Variants in FLACC1 observed in about 807,000 individuals in gnomAD.
FLACC1 encodes the protein flagellum associated containing coiled-coil domains 1, also known as flagellum-associated coiled-coil domain-containing protein 1.
Under a neutral mutation model 62.8 loss-of-function variants are expected in FLACC1, and 66 were observed. That is an observed-to-expected ratio of 1.05 (90% confidence interval 0.86 to 1.29). FLACC1 has a LOEUF of 1.29. FLACC1 is among the 50% of genes most tolerant of loss of function. The probability of loss-of-function intolerance (pLI) is 0.00; values close to 1 mark genes in which losing one functional copy is unlikely to be tolerated. For missense variants in FLACC1, 452 were observed against 489.1 expected (o/e 0.92, Z 0.71); for synonymous variants, 156 against 161.0 (o/e 0.97, Z 0.24).
At chr2:201,335,897 T>C (rs1950686044) in intron 7 of FLACC1, among the ~76,000 whole-genome samples, 1 of 152,214 alleles carries the variant, frequency 6.6e-6, no homozygotes, top group Non-Finnish European at 1.5e-5. Context: ...ACTTCCTTGG[T>C]TAAATTTATT....
rs558835153 is a variant in FLACC1 at position 201,348,635 on chromosome 2, C to A, written c.186-333G>T. 2.0e-5 allele frequency among the ~76,000 whole-genome samples: 3 copies of A among 151,984 alleles called. No individual in the cohort carries two copies. The East Asian group carries it at 5.8e-4, about 29-fold the overall frequency. On this transcript the variant is annotated intron_variant, in intron 3 of 14. Transcript: ENST00000392257. Reference sequence around the variant, plus strand: ...GTGAGTCAGGTGACACCCCCCACCACCCCCTTACACACAAACGGGCACACA... The same window carrying A: ...GTGAGTCAGGTGACACCCCCCACCAACCCCTTACACACAAACGGGCACACA...
chr2:201,363,295 G>A, the FLACC1 span, among the ~76,000 whole-genome samples: 173 of 151,770 alleles, frequency 1.1e-3, 6 homozygotes, highest in Non-Finnish European at 1.0e-3. Context: ...GTGGTGCAAG[G>A]GTGCCCTCTC....
chr2:201,309,925 A>AAAAAAAAACAAAAAAAAAAAAAAAG (rs764506462), intron 9 of FLACC1, among the ~76,000 whole-genome samples: 1 of 99,392 alleles, frequency 1.0e-5, no homozygotes, highest in African/African-American at 3.1e-5. Context: ...AAAAAAAAAA[A>AAAAAAAAACAAAAAAAAAAAAAAAG]AAGAAGAAGA....
At chr2:201,351,518 G>A (rs1247170932) in intron 1 of FLACC1, 67 bp from the exon 2 acceptor site, 2 of 773,942 alleles carry the variant, frequency 2.6e-6, no homozygotes, top group African/African-American at 3.5e-5. Context: ...CAGAAGAATT[G>A]GGAAGAACCC....
chr2:201,357,538 G>A (rs1281519713), upstream of FLACC1: 1 of 152,184 alleles, frequency 6.6e-6, no homozygotes, highest in Non-Finnish European at 1.5e-5. Flanking sequence ...TTTAACACTG[G>A]ATTTCCACTT....
intron 7 of FLACC1, among the ~76,000 whole-genome samples, chr2:201,337,123 A>G (rs561438287): frequency 3.3e-4 from 50 of 152,268 alleles, no homozygotes; most frequent in Admixed American, 9.8e-4. Flanking sequence ...TTTTGCGTGT[A>G]GAAGCTTTTT....
chr2:201,327,680 G>A (rs1235505822), intron 9 of FLACC1, among the ~76,000 whole-genome samples: 1 of 152,080 alleles, frequency 6.6e-6, no homozygotes, highest in African/African-American at 2.4e-5. Context: ...GTGTGGATGT[G>A]GGGAAAAGGG....
intron 11 of FLACC1, among the ~76,000 whole-genome samples, chr2:201,302,755 C>G (rs1950012687): frequency 2.0e-5 from 3 of 152,168 alleles, no homozygotes. Flanking sequence ...TGCAATCAAA[C>G]TAGAACTCAG....
At chr2:201,348,217 A>G in intron 4 of FLACC1, 37 bp downstream of exon 4, 1 of 1,600,902 alleles carries the variant, frequency 6.2e-7, no homozygotes, top group Non-Finnish European at 8.5e-7. Context: ...GCACTCAATA[A>G]ATTTTAGTCC....
intron 9 of FLACC1, among the ~76,000 whole-genome samples, chr2:201,313,661 G>T (rs1299793192): frequency 6.6e-6 from 1 of 152,042 alleles, no homozygotes; most frequent in Non-Finnish European, 1.5e-5. Context: ...ATATACTCTT[G>T]GGAGTTCTAG....
In FLACC1 at chr2:201,350,715, G is replaced by T; in HGVS notation, c.181C>A (p.Pro61Thr). 6.5e-7 allele frequency: 1 copy of T among 1,538,278 alleles called. No individual in the cohort carries two copies. Among genetic ancestry groups the T allele is most frequent in the Non-Finnish European group, 8.8e-7 (1 of 1,141,384 alleles). The stretch of plus-strand genomic sequence containing the variant: ...ACAAAACAAAACAATACTTACTTTG[G>T]GGAAACAACAGGTTTTGTTGGTTGG... The part of the protein sequence containing the change: ...YLQPTKPVVS[P>T]KMKIHSARQE... Residue 61 changes from proline to threonine, a missense_variant, in exon 3 of 15, where the codon CCA (proline) becomes ACA (threonine). This residue lies in a region of FLACC1 where 147 missense variants were observed against 152.7 expected (regional missense o/e 0.96). Coordinates refer to ENST00000392257, the MANE Select transcript of FLACC1 (RefSeq NM_001127391.3).
intron 11 of FLACC1, among the ~76,000 whole-genome samples, chr2:201,300,919 C>A (rs1162239411): frequency 1.3e-5 from 2 of 152,162 alleles, no homozygotes; most frequent in East Asian, 3.8e-4. Flanking sequence ...AAAACCTCAT[C>A]TGTACATCAC....
At chr2:201,295,393 A>C (rs7561856) in intron 12 of FLACC1, among the ~76,000 whole-genome samples, 14,173 of 152,214 alleles carry the variant, frequency 0.093, 1,013 homozygotes, top group South Asian at 0.26. Flanking sequence ...CAAATCTGAC[A>C]AAAACAAGAA....
intron 10 of FLACC1, 56 bp downstream of exon 10, chr2:201,309,095 T>C (rs1167745612): frequency 6.7e-7 from 1 of 1,486,152 alleles, no homozygotes; most frequent in Non-Finnish European, 9.4e-7. Context: ...AGACCAAACT[T>C]CATGGCAGTT....
At chr2:201,345,765 T>C (rs1950900460) in intron 5 of FLACC1, among the ~76,000 whole-genome samples, 2 of 152,028 alleles carry the variant, frequency 1.3e-5, no homozygotes, top group South Asian at 4.2e-4. Context: ...AGAGAGTGGG[T>C]GGAGCCTGAA....
At position 201,289,450 on chromosome 2, in the gene FLACC1, G is replaced by C; in HGVS notation, c.1142+7C>G. 6.2e-7 allele frequency: 1 copy of C among 1,612,398 alleles called. No individual in the cohort carries two copies. The highest frequency in any genetic ancestry group is 1.1e-5 in the South Asian group (1 of 91,020). Reference sequence around the variant, plus strand: ...CTCAGCTATGTCTTTTTCAGCAGCAGCCGCACTTCAGATGAATGTTCTCTT... The same window carrying C: ...CTCAGCTATGTCTTTTTCAGCAGCACCCGCACTTCAGATGAATGTTCTCTT... On this transcript the variant is annotated splice_region_variant and intron_variant, in intron 14 of 14. Coordinates refer to ENST00000392257, the MANE Select transcript of FLACC1 (RefSeq NM_001127391.3).
At chr2:201,354,610 C>T (rs1011289153) in intron 1 of FLACC1, among the ~76,000 whole-genome samples, 4 of 152,022 alleles carry the variant, frequency 2.6e-5, no homozygotes, top group African/African-American at 9.7e-5. Context: ...GGATCGAGTG[C>T]CCAGGTGGGA....
At chr2:201,334,764 C>T (rs1377403189) in intron 7 of FLACC1, among the ~76,000 whole-genome samples, 2 of 127,984 alleles carry the variant, frequency 1.6e-5, no homozygotes, top group Admixed American at 8.6e-5. Flanking sequence ...GCCTGGGCAA[C>T]AAGAGTGAAA....
chr2:201,292,996 A>T (rs1455200319), intron 12 of FLACC1, among the ~76,000 whole-genome samples: 1 of 152,248 alleles, frequency 6.6e-6, no homozygotes, highest in Non-Finnish European at 1.5e-5. Context: ...TATGCACCCA[A>T]TACAGGAGCA....
Sources: gnomAD v4.1 joint callset for allele counts (sites outside exome capture counted in the v4.1 genomes callset) on GRCh38, gnomAD v4.1.1 for gene constraint, gnomAD v4.1.1 regional missense constraint, MANE v1.5 for transcripts, NCBI Gene and HGNC (gene_info 2026-07-23, HGNC 2026-07-21) for gene names.